Variants in APBB2 observed in about 807,000 individuals in gnomAD.
APBB2 encodes the protein Fe65-like 1.
APBB2 carries 38 observed loss-of-function variants against 82.5 expected under a neutral mutation model. That is an observed-to-expected ratio of 0.46 (90% CI 0.36 to 0.60). APBB2 has a LOEUF of 0.60. APBB2 is among the 20% of genes least tolerant of loss of function. APBB2 has a pLI of 0.00. For missense variants in APBB2, 772 were observed against 972.3 expected, an observed-to-expected ratio of 0.79 and a Z score of 2.74; for synonymous variants, 341 against 368.2, an observed-to-expected ratio of 0.93 and a Z score of 0.85.
chr4:41,134,398 T>C lies in APBB2; in HGVS notation c.-261+8589A>G, dbSNP rs1756984952. 2.0e-5 allele frequency among the ~76,000 whole-genome samples: 3 copies of C among 152,102 alleles called. No individual in the cohort carries two copies. In the South Asian group the frequency reaches 6.2e-4, roughly 31 times the overall value. On this transcript the variant is annotated intron_variant, in intron 2 of 17. Coordinates refer to ENST00000508593, the MANE Select transcript of APBB2 (RefSeq NM_004307.2). ...ATGGAGACCATCCTGGCTAACATGGTGAAACCCCATCTCTACTAAAAATAC... is the reference window on the plus strand; with the variant it reads ...ATGGAGACCATCCTGGCTAACATGGCGAAACCCCATCTCTACTAAAAATAC...
At chr4:40,894,067 T>A (rs1772925112) in intron 10 of APBB2, among the ~76,000 whole-genome samples, 1 of 151,680 alleles carries the variant, frequency 6.6e-6, no homozygotes, top group African/African-American at 2.4e-5. Context: ...GGTAGGCAGA[T>A]CACGAGGTCA....
chr4:41,003,998 C>G (rs569987332), intron 6 of APBB2, among the ~76,000 whole-genome samples: 23 of 152,282 alleles, frequency 1.5e-4, no homozygotes, highest in Admixed American at 9.8e-4. Flanking sequence ...CAGGTGTGAG[C>G]CACCACGCCC....
chr4:41,071,757 C>T (rs970455179), intron 3 of APBB2, among the ~76,000 whole-genome samples: 1 of 152,164 alleles, frequency 6.6e-6, no homozygotes, highest in African/African-American at 2.4e-5. Flanking sequence ...TTCAAAACAG[C>T]TGAAGGATTA....
intron 1 of APBB2, among the ~76,000 whole-genome samples, chr4:41,191,041 G>C (rs1411533922): frequency 6.6e-6 from 1 of 152,172 alleles, no homozygotes; most frequent in Non-Finnish European, 1.5e-5. Context: ...CTGAGGAGAA[G>C]CTTGGCAGGG....
intron 2 of APBB2, among the ~76,000 whole-genome samples, chr4:41,141,379 C>A (rs891181337): frequency 6.6e-6 from 1 of 151,944 alleles, no homozygotes; most frequent in African/African-American, 2.4e-5. Flanking sequence ...CGCATGTGTG[C>A]GTGTGCATGT....
chr4:41,158,232 A>G (rs1763964405), intron 1 of APBB2, among the ~76,000 whole-genome samples: 1 of 152,234 alleles, frequency 6.6e-6, no homozygotes, highest in Admixed American at 6.5e-5. Context: ...TCAGAATTAA[A>G]TAATACAGTA....
At chr4:40,960,430 CAG>C (rs1242378251) in intron 6 of APBB2, among the ~76,000 whole-genome samples, 1 of 145,352 alleles carries the variant, frequency 6.9e-6, no homozygotes, top group Admixed American at 7.0e-5. Context: ...TCATCAAAAA[CAG>C]AAATTTTTTT....
intron 1 of APBB2, among the ~76,000 whole-genome samples, 159 bp downstream of exon 1, chr4:41,214,246 G>A (rs1361349961): frequency 6.6e-6 from 1 of 152,168 alleles, no homozygotes; most frequent in Non-Finnish European, 1.5e-5. Context: ...TGAGCGGGCA[G>A]CAGTGGCCGC....
At chr4:40,967,074 C>A (rs1006593712) in intron 6 of APBB2, among the ~76,000 whole-genome samples, 1 of 152,158 alleles carries the variant, frequency 6.6e-6, no homozygotes, top group Admixed American at 6.5e-5. Context: ...CAGACTCAGG[C>A]AGATGATGGG....
chr4:40,966,461 G>C (rs532169312), intron 6 of APBB2, among the ~76,000 whole-genome samples: 66 of 152,302 alleles, frequency 4.3e-4, no homozygotes, highest in African/African-American at 1.6e-3. Flanking sequence ...TTGGAGGGAG[G>C]GGGGCACTAC....
Position 40,826,373 on chromosome 4 carries a change from GTTT to G in APBB2, c.1733-406_1733-404del, listed in dbSNP as rs148222536. 1.4e-5 allele frequency among the ~76,000 whole-genome samples: 2 copies of G among 146,068 alleles called. No individual in the cohort carries two copies. Among genetic ancestry groups the G allele is most frequent in the African/African-American group, 2.5e-5 (1 of 39,836 alleles). ...TGAGTTCCCCCAGTAATCAACCCAC[GTTT>G]TTTTTTTTTTAGAGACAAGAGTCTC... On this transcript the variant is annotated intron_variant, in intron 14 of 17. Coordinates refer to ENST00000508593, the MANE Select transcript of APBB2 (RefSeq NM_004307.2). This position sits in a 1 kb window ranked among gnomAD's most constrained non-coding sequence, Gnocchi z 4.5.
rs200843680 is a variant in APBB2, at chr4:41,004,073, AT to A, written c.835+9509del. ...AACAAATTTCTATTGTTTATTACTA[AT>A]TTTTTTTTTTTAATTTTTATTTTCA... On this transcript the variant is annotated intron_variant, in intron 6 of 17. Transcript: ENST00000508593. 4.8e-3 allele frequency among the ~76,000 whole-genome samples: 683 copies of A among 141,950 alleles called. 6 individuals carry two copies. Among genetic ancestry groups the A allele is most frequent in the East Asian group, 0.029 (141 of 4,892 alleles). The allele number at this position is 141,950 out of a possible 152,430, so 93.1% of individuals were successfully genotyped here.
chr4:40,928,470 T>C (rs536784016), intron 10 of APBB2, among the ~76,000 whole-genome samples: 18 of 151,440 alleles, frequency 1.2e-4, no homozygotes, highest in African/African-American at 3.6e-4. Flanking sequence ...TCCCAGCTAC[T>C]TGGGAGGCTG....
intron 1 of APBB2, among the ~76,000 whole-genome samples, chr4:41,171,632 A>G (rs1449580968): frequency 6.6e-6 from 1 of 152,236 alleles, no homozygotes; most frequent in Non-Finnish European, 1.5e-5. Context: ...TGAGCCTTAT[A>G]AAGCATACAT....
chr4:40,815,814 TGTGAA>T lies in APBB2; in HGVS notation c.*273_*277del, dbSNP rs1745446952. ...GGGGCCACACTCTTCTCTGTGTGTG[TGTGAA>T]GTTAAGTAATGTTCACAATATTTAC... On this transcript the variant is annotated 3_prime_UTR_variant, in exon 18 of 18. Coordinates refer to ENST00000508593, the MANE Select transcript of APBB2 (RefSeq NM_004307.2). The T allele has an allele frequency of 2.9e-6, 1 of 349,908 alleles. No homozygotes were observed. Among genetic ancestry groups the T allele is most frequent in the African/African-American group, 2.0e-5 (1 of 49,262 alleles). 21.7% of individuals were successfully genotyped at this position (349,908 alleles called of 1,614,324 possible).
intron 6 of APBB2, among the ~76,000 whole-genome samples, chr4:41,003,217 T>A (rs920621883): frequency 1.3e-5 from 2 of 152,214 alleles, no homozygotes; most frequent in Non-Finnish European, 2.9e-5. Flanking sequence ...AATTTCCTCA[T>A]CTTTACAATG....
intron 12 of APBB2, among the ~76,000 whole-genome samples, chr4:40,873,057 C>A (rs1034429708): frequency 1.4e-5 from 2 of 145,676 alleles, no homozygotes; most frequent in African/African-American, 5.1e-5. Flanking sequence ...CACTGTACTC[C>A]AGCCTGGGCG....
At chr4:41,165,506 C>T (rs1766284355) in intron 1 of APBB2, among the ~76,000 whole-genome samples, 1 of 152,188 alleles carries the variant, frequency 6.6e-6, no homozygotes, top group Admixed American at 6.6e-5. Context: ...TCTCTTTCCT[C>T]TGTTTCCTCA....
chr4:40,949,857 T>TG (rs1789587580), intron 6 of APBB2, among the ~76,000 whole-genome samples: 1 of 152,196 alleles, frequency 6.6e-6, no homozygotes, highest in Non-Finnish European at 1.5e-5. Context: ...AATCACAATG[T>TG]GGTATTCTTA....
Sources: allele counts gnomAD v4.1 joint callset (sites outside exome capture counted in the v4.1 genomes callset), GRCh38; gene constraint gnomAD v4.1.1; non-coding constraint Gnocchi (gnomAD v3.1); transcripts MANE v1.5; gene names NCBI Gene and HGNC (gene_info 2026-07-23, HGNC 2026-07-21).